The following GPAM variants were observed in gnomAD, a reference collection of about 807,000 sequenced individuals.
The protein encoded by GPAM is glycerol-3-phosphate acyltransferase 1, mitochondrial.
A neutral mutation model predicts 105.0 loss-of-function variants in GPAM; 56 were observed. The observed-to-expected ratio is 0.53, with a 90% CI of 0.43 to 0.67. The LOEUF is 0.67. Among genes scored for constraint, GPAM ranks in the 30% least tolerant of loss-of-function variants. The probability of loss-of-function intolerance (pLI) is 0.00; values close to 1 mark genes in which losing one functional copy is unlikely to be tolerated. For missense variants in GPAM, 855 were observed against 989.8 expected (o/e 0.86, Z 1.83); for synonymous variants, 368 against 354.4 (o/e 1.04, Z -0.43).
chr10:112,160,341 C>T (rs910477266), intron 16 of GPAM: 24 of 959,702 alleles, frequency 2.5e-5, no homozygotes, highest in Middle Eastern at 1.1e-3. Context: ...TGTCTCATCT[C>T]AGTTAGATTT....
At chr10:112,160,528 A>C in intron 16 of GPAM, 76 bp downstream of exon 16, 1 of 1,420,530 alleles carries the variant, frequency 7.0e-7, no homozygotes, top group Middle Eastern at 1.8e-4. Flanking sequence ...CCCAAATTAA[A>C]GCAGATACCA....
Position 112,158,302 on chromosome 10 carries a change from G to A in GPAM, c.1980+14C>T, listed in dbSNP as rs1387546098. 7.0e-7 allele frequency: 1 copy of A among 1,432,646 alleles called. No homozygotes were observed. The highest frequency in any genetic ancestry group is 2.3e-5 in the East Asian group (1 of 44,054). The allele number at this position is 1,432,646 out of a possible 1,614,324, so 88.7% of individuals were successfully genotyped here. A position where few individuals can be genotyped will look rare whatever the true frequency, so the allele number is the denominator to read the frequency against. ...TAAGTATAAAGACAAATAAAGGAAA[G>A]CTCTACCTCTTACCTCTGCCACTGT... On this transcript the variant is annotated intron_variant, in intron 18 of 21. Transcript: ENST00000348367.
chr10:112,215,352 G>C (rs950111741), exon 1 of GPAM: 8 of 152,260 alleles, frequency 5.3e-5, no homozygotes, highest in Admixed American at 2.6e-4. Flanking sequence ...ACCTCAGAAA[G>C]AGTCCCCCCG....
chr10:112,185,655 A>G (rs928552935), upstream of GPAM, among the ~76,000 whole-genome samples: 12 of 151,804 alleles, frequency 7.9e-5, no homozygotes, highest in Non-Finnish European at 1.2e-4. Flanking sequence ...AGAAACAGTA[A>G]AAAACCTGAC....
chr10:112,190,785 GAAT>G (rs1847648552), intron 1 of GPAM, among the ~76,000 whole-genome samples: 1 of 152,076 alleles, frequency 6.6e-6, no homozygotes, highest in Admixed American at 6.5e-5. Flanking sequence ...CTTCAGAACT[GAAT>G]AATTCAGAGA....
At chr10:112,195,880 A>G (rs11195838) in intron 1 of GPAM, among the ~76,000 whole-genome samples, 17,421 of 152,278 alleles carry the variant, frequency 0.11, 1,354 homozygotes, top group African/African-American at 0.21. Context: ...GGAACCACAG[A>G]GTTTGGGGGC....
upstream of GPAM, among the ~76,000 whole-genome samples, chr10:112,188,097 A>C (rs1201737034): frequency 6.6e-6 from 1 of 152,188 alleles, no homozygotes. Flanking sequence ...GAAAGATCTC[A>C]AATTATTTAT....
intron 1 of GPAM, among the ~76,000 whole-genome samples, chr10:112,198,279 A>G (rs117120767): frequency 6.6e-6 from 1 of 152,342 alleles, no homozygotes; most frequent in Non-Finnish European, 1.5e-5. Context: ...TTCACAGATC[A>G]TAGCTGGTAA....
At chr10:112,157,677 C>A (rs1276390377) in intron 18 of GPAM, among the ~76,000 whole-genome samples, 5 of 152,204 alleles carry the variant, frequency 3.3e-5, no homozygotes, top group Non-Finnish European at 5.9e-5. Flanking sequence ...ATCTCCTCTA[C>A]ACTAAATCTA....
chr10:112,189,637 C>T (rs1847633529), intron 1 of GPAM, among the ~76,000 whole-genome samples: 1 of 152,174 alleles, frequency 6.6e-6, no homozygotes, highest in South Asian at 2.1e-4. Flanking sequence ...TGCAACTATC[C>T]TTCTAGCCAA....
intron 20 of GPAM, chr10:112,154,979 C>T (rs751405233): frequency 2.1e-6 from 1 of 482,532 alleles, no homozygotes; most frequent in South Asian, 2.2e-5. Context: ...AGTAGAAATA[C>T]CTAAAACATC....
chr10:112,164,145 A>C (rs947206548), intron 13 of GPAM, among the ~76,000 whole-genome samples: 2 of 152,190 alleles, frequency 1.3e-5, no homozygotes, highest in African/African-American at 4.8e-5. Flanking sequence ...TTCATATTCA[A>C]TTTCTCTAAG....
chr10:112,171,401 G>C (rs1847310704), intron 9 of GPAM, among the ~76,000 whole-genome samples: 1 of 152,134 alleles, frequency 6.6e-6, no homozygotes, highest in African/African-American at 2.4e-5. Flanking sequence ...TATCCTAATG[G>C]AAGCAGAATT....
intron 1 of GPAM, among the ~76,000 whole-genome samples, chr10:112,193,361 G>A (rs1847684920): frequency 6.6e-6 from 1 of 152,208 alleles, no homozygotes; most frequent in Non-Finnish European, 1.5e-5. Context: ...GAAACAGGGA[G>A]ATACCATGAC....
At chr10:112,165,692 C>CA (rs1376441117) in intron 12 of GPAM, among the ~76,000 whole-genome samples, 5 of 150,058 alleles carry the variant, frequency 3.3e-5, no homozygotes, top group Non-Finnish European at 5.9e-5. Flanking sequence ...AACTCCGTCT[C>CA]AAAAAAAAAG....
intron 5 of GPAM, among the ~76,000 whole-genome samples, chr10:112,177,480 T>C (rs1418700448): frequency 1.3e-5 from 2 of 152,202 alleles, no homozygotes; most frequent in African/African-American, 4.8e-5. Flanking sequence ...TCTCTCACAC[T>C]GGTGCTTACA....
intron 17 of GPAM, among the ~76,000 whole-genome samples, chr10:112,159,555 T>C (rs1443310347): frequency 2.0e-5 from 3 of 152,306 alleles, no homozygotes; most frequent in Non-Finnish European, 2.9e-5. Flanking sequence ...CTTCTGACTC[T>C]TACCATCTGT....
intron 1 of GPAM, chr10:112,214,279 T>C (rs1357273178): frequency 1.3e-5 from 2 of 152,190 alleles, no homozygotes; most frequent in Non-Finnish European, 2.9e-5. Context: ...TAACCTGAAA[T>C]GCATATAGGG....
At chr10:112,183,239 G>T (rs1847539899) in intron 1 of GPAM, among the ~76,000 whole-genome samples, 1 of 152,204 alleles carries the variant, frequency 6.6e-6, no homozygotes, top group African/African-American at 2.4e-5. Flanking sequence ...TTGTTGAGAG[G>T]ACGGAATAAT....
Sources: allele counts gnomAD v4.1 joint callset (sites outside exome capture counted in the v4.1 genomes callset), GRCh38; gene constraint gnomAD v4.1.1; transcripts MANE v1.5; gene names NCBI Gene and HGNC (gene_info 2026-07-23, HGNC 2026-07-21).